The following DIAPH3 variants were observed in gnomAD, a reference collection of about 807,000 sequenced individuals.
The protein encoded by DIAPH3 is diaphanous related formin 3, also known as protein diaphanous homolog 3.
In DIAPH3, 117 loss-of-function variants were observed where a neutral mutation model predicts 144.3. The ratio of observed to expected loss-of-function variants is 0.81; its 90% CI spans 0.70 to 0.95. The LOEUF (loss-of-function observed/expected upper bound fraction) is 0.95. DIAPH3 is among the 40% of genes least tolerant of loss of function. The pLI, the probability that DIAPH3 is intolerant of heterozygous loss-of-function variation, is 0.00. For missense variants in DIAPH3, 1,421 were observed against 1,412.7 expected (o/e 1.01, Z -0.09); for synonymous variants, 519 against 488.9 (o/e 1.06, Z -0.81).
intron 27 of DIAPH3, among the ~76,000 whole-genome samples, chr13:59,731,030 GC>G (rs1355882951): frequency 4.6e-5 from 7 of 152,156 alleles, no homozygotes; most frequent in African/African-American, 1.7e-4. Flanking sequence ...CTTCTAAAAA[GC>G]TCAGATCTTT....
At chr13:59,916,118 T>G in intron 19 of DIAPH3, 37 bp downstream of exon 19, 6 of 1,540,328 alleles carry the variant, frequency 3.9e-6, no homozygotes, top group Non-Finnish European at 4.5e-6. Context: ...AAGCTTGCAA[T>G]GAAATATTGA....
chr13:59,774,659 T>C, intron 26 of DIAPH3, 69 bp downstream of exon 26: 1 of 1,443,986 alleles, frequency 6.9e-7, no homozygotes, highest in Non-Finnish European at 9.7e-7. Context: ...TTCAAAAGAA[T>C]GAGAAAAACA....
intron 27 of DIAPH3, among the ~76,000 whole-genome samples, chr13:59,751,208 T>C (rs1175973278): frequency 6.6e-6 from 1 of 152,212 alleles, no homozygotes; most frequent in Non-Finnish European, 1.5e-5. Flanking sequence ...CCAGACAACA[T>C]AGGGCTTTGG....
At chr13:59,792,155 G>A (rs2039360448) in intron 25 of DIAPH3, among the ~76,000 whole-genome samples, 1 of 152,138 alleles carries the variant, frequency 6.6e-6, no homozygotes, top group Admixed American at 6.5e-5. Context: ...CACCCCTTCT[G>A]GTAGATGTTG....
intron 24 of DIAPH3, among the ~76,000 whole-genome samples, chr13:59,824,034 A>C (rs888673477): frequency 6.6e-6 from 1 of 152,168 alleles, no homozygotes; most frequent in African/African-American, 2.4e-5. Context: ...AAACAGCACA[A>C]ATGACAAATC....
At chr13:60,002,023 G>T (rs933366317) in intron 9 of DIAPH3, among the ~76,000 whole-genome samples, 8 of 152,176 alleles carry the variant, frequency 5.3e-5, no homozygotes, top group African/African-American at 1.7e-4. Context: ...AATTGTCCTA[G>T]ACTTCTTTGC....
intron 25 of DIAPH3, among the ~76,000 whole-genome samples, chr13:59,799,860 C>T (rs934414190): frequency 4.6e-5 from 7 of 152,146 alleles, no homozygotes; most frequent in Middle Eastern, 3.4e-3. Context: ...TTATGAAAAG[C>T]AAATTTTTCA....
intron 27 of DIAPH3, among the ~76,000 whole-genome samples, chr13:59,693,681 G>A (rs1027091602): frequency 2.0e-5 from 3 of 152,036 alleles, no homozygotes; most frequent in Non-Finnish European, 4.4e-5. Flanking sequence ...CTCAAAAACA[G>A]TAAAAATGAT....
chr13:59,971,799 G>T (rs1326406979), intron 15 of DIAPH3, among the ~76,000 whole-genome samples: 1 of 152,118 alleles, frequency 6.6e-6, no homozygotes, highest in African/African-American at 2.4e-5. Context: ...TTCTGTGTAT[G>T]TGCCAACCTC....
chr13:59,861,211 T>C, intron 22 of DIAPH3, 196 bp downstream of exon 22: 6 of 1,477,036 alleles, frequency 4.1e-6, no homozygotes, highest in Non-Finnish European at 2.7e-6. Flanking sequence ...CCTCATCATC[T>C]AACTAAACAA....
chr13:60,155,406 T>A (rs770166524), intron 1 of DIAPH3, among the ~76,000 whole-genome samples: 1 of 152,104 alleles, frequency 6.6e-6, no homozygotes, highest in Non-Finnish European at 1.5e-5. Context: ...ACTAAATGTA[T>A]CCCCCAAAAA....
intron 27 of DIAPH3, among the ~76,000 whole-genome samples, chr13:59,692,134 A>ATT (rs2033556725): frequency 7.6e-6 from 1 of 131,510 alleles, no homozygotes. Context: ...GCTTTGAGAA[A>ATT]TTCTTTTTTT....
intron 24 of DIAPH3, among the ~76,000 whole-genome samples, chr13:59,815,950 G>C (rs1443399926): frequency 2.0e-5 from 3 of 152,022 alleles, no homozygotes; most frequent in East Asian, 1.9e-4. Flanking sequence ...CTAAGTATTA[G>C]GTTAAAGGGT....
chr13:59,758,771 TTCTC>T (rs1028046618), intron 27 of DIAPH3, among the ~76,000 whole-genome samples: 25 of 151,718 alleles, frequency 1.6e-4, no homozygotes, highest in African/African-American at 4.6e-4. Context: ...GGCAAGAATT[TTCTC>T]TCTCTTTTTT....
intron 27 of DIAPH3, among the ~76,000 whole-genome samples, chr13:59,725,215 T>C (rs571144801): frequency 6.9e-4 from 105 of 152,342 alleles, no homozygotes; most frequent in Non-Finnish European, 1.2e-3. Context: ...AATATGGCAG[T>C]TGTTTTTCAT....
intron 22 of DIAPH3, among the ~76,000 whole-genome samples, chr13:59,858,411 A>G (rs1009438659): frequency 6.6e-6 from 1 of 152,122 alleles, no homozygotes; most frequent in African/African-American, 2.4e-5. Context: ...CAGTGTAATC[A>G]CTCAATAAAG....
intron 23 of DIAPH3, chr13:59,838,509 C>A (rs554902466): frequency 6.6e-6 from 1 of 151,814 alleles, no homozygotes; most frequent in African/African-American, 2.4e-5. Context: ...GATTTTATAA[C>A]CATCTAGTAT....
chr13:60,126,579 A>G (rs1230839712), intron 2 of DIAPH3, among the ~76,000 whole-genome samples: 1 of 152,182 alleles, frequency 6.6e-6, no homozygotes, highest in African/African-American at 2.4e-5. Context: ...AGAATACAGA[A>G]GATGTGAACA....
intron 1 of DIAPH3, among the ~76,000 whole-genome samples, chr13:60,136,580 A>C (rs1409314374): frequency 6.6e-6 from 1 of 151,744 alleles, no homozygotes; most frequent in Non-Finnish European, 1.5e-5. Flanking sequence ...CTGGCCTATG[A>C]TTCTAGAGGT....
Sources: gnomAD v4.1 joint callset for allele counts (sites outside exome capture counted in the v4.1 genomes callset) on GRCh38, gnomAD v4.1.1 for gene constraint, MANE v1.5 for transcripts, NCBI Gene and HGNC (gene_info 2026-07-23, HGNC 2026-07-21) for gene names.